SPIDR: variants seen among roughly 807,000 people sequenced by gnomAD.
The protein encoded by SPIDR is DNA repair-scaffolding protein.
SPIDR carries 93 observed loss-of-function variants against 104.6 expected under a neutral mutation model. That is an observed-to-expected ratio of 0.89 (90% confidence interval 0.75 to 1.06). SPIDR has a LOEUF of 1.06. Among genes scored for constraint, SPIDR ranks in the 50% least tolerant of loss-of-function variants. The probability of loss-of-function intolerance (pLI) is 0.00; values close to 1 mark genes in which losing one functional copy is unlikely to be tolerated. For missense variants in SPIDR, 1,154 were observed against 1,111.2 expected, an observed-to-expected ratio of 1.04 and a Z score of -0.55; for synonymous variants, 431 against 416.9, an observed-to-expected ratio of 1.03 and a Z score of -0.41.
chr8:47,314,573 C>G (rs2044901334), intron 5 of SPIDR, among the ~76,000 whole-genome samples: 1 of 152,042 alleles, frequency 6.6e-6, no homozygotes, highest in Admixed American at 6.6e-5. Context: ...GGGGGAAAGC[C>G]CCTTATAAAA....
intron 8 of SPIDR, among the ~76,000 whole-genome samples, chr8:47,574,569 A>G (rs957243586): frequency 1.3e-5 from 2 of 152,146 alleles, no homozygotes; most frequent in African/African-American, 4.8e-5. Context: ...CAGCCAGGCC[A>G]ACATGGCAAA....
At chr8:47,304,073 T>A (rs1223975507) in intron 5 of SPIDR, among the ~76,000 whole-genome samples, 1 of 152,194 alleles carries the variant, frequency 6.6e-6, no homozygotes, top group African/African-American at 2.4e-5. Flanking sequence ...TGTCTGGGTT[T>A]TTATAATTTA....
chr8:47,673,878 A>G lies in SPIDR; in HGVS notation c.1622A>G (p.Gln541Arg). 6.2e-7 allele frequency: 1 copy of G among 1,614,198 alleles called. No homozygotes were observed. The highest frequency in any genetic ancestry group is 1.3e-5 in the African/African-American group (1 of 75,066). Residue 541 changes from glutamine (Q) to arginine (R), a missense_variant, in exon 11 of 20, where the codon CAG becomes CGG. Gln to Arg is a conservative substitution (Grantham distance 43). Transcript: ENST00000297423. ...HLEFTMSKAR[Q>R]LEGKSCSLVG... Reference sequence around the variant, plus strand: ...GAGTTCACCATGTCGAAGGCAAGACAGTTGGAAGGGAAGTCTTGCAGCCTG... The same window carrying G: ...GAGTTCACCATGTCGAAGGCAAGACGGTTGGAAGGGAAGTCTTGCAGCCTG...
intron 1 of SPIDR, among the ~76,000 whole-genome samples, chr8:47,262,399 T>A (rs1237597494): frequency 6.6e-6 from 1 of 152,238 alleles, no homozygotes; most frequent in East Asian, 1.9e-4. Flanking sequence ...AAGCAGTTCA[T>A]AACAAATGTT....
chr8:47,592,051 A>C, intron 8 of SPIDR: 1 of 952,574 alleles, frequency 1.0e-6, no homozygotes, highest in Non-Finnish European at 1.6e-6. Context: ...TTATTCAGTA[A>C]TGTTTCTAAG....
chr8:47,583,179 G>A (rs928066211), intron 8 of SPIDR, among the ~76,000 whole-genome samples: 10 of 151,584 alleles, frequency 6.6e-5, no homozygotes, highest in African/African-American at 1.7e-4. Flanking sequence ...GGTGGCGGGC[G>A]CCTGTAGTCC....
chr8:47,683,871 A>T (rs985711729), intron 11 of SPIDR, among the ~76,000 whole-genome samples: 1 of 152,140 alleles, frequency 6.6e-6, no homozygotes, highest in Non-Finnish European at 1.5e-5. Context: ...TCACACCTGT[A>T]ATTCCAGCAC....
intron 11 of SPIDR, among the ~76,000 whole-genome samples, chr8:47,684,811 G>T (rs1169223769): frequency 6.6e-6 from 1 of 152,212 alleles, no homozygotes; most frequent in African/African-American, 2.4e-5. Context: ...TCCCAAGGAA[G>T]AATATAAATC....
At position 47,733,965 on chromosome 8, in the gene SPIDR, A is replaced by C. The variant is rs534251842; in HGVS notation, c.2605-1342A>C. Among the ~76,000 whole-genome samples, 64 of 152,308 alleles carry C rather than the reference A, an allele frequency of 4.2e-4. 1 individual carries two copies. Among genetic ancestry groups the C allele is most frequent in the African/African-American group, 1.4e-3 (58 of 41,574 alleles). ...TGAATAGGCACCACGCCTGTCTTAC[A>C]AATGGGAAAATCAAAGTCCCCCCAC... On this transcript the variant is annotated intron_variant, in intron 19 of 19. Coordinates refer to ENST00000297423, the MANE Select transcript of SPIDR (RefSeq NM_001080394.4).
chr8:47,566,755 C>A (rs761274542), intron 8 of SPIDR, among the ~76,000 whole-genome samples: 1 of 151,906 alleles, frequency 6.6e-6, no homozygotes, highest in Non-Finnish European at 1.5e-5. Flanking sequence ...CATTAGGCAC[C>A]GAGAAGTACA....
At chr8:47,567,289 G>A (rs1365845703) in intron 8 of SPIDR, among the ~76,000 whole-genome samples, 2 of 150,950 alleles carry the variant, frequency 1.3e-5, no homozygotes, top group East Asian at 1.9e-4. Context: ...GTGCGATCTC[G>A]GCTCACCGCA....
intron 10 of SPIDR, among the ~76,000 whole-genome samples, chr8:47,599,883 A>G (rs1318526729): frequency 6.6e-6 from 1 of 152,084 alleles, no homozygotes; most frequent in African/African-American, 2.4e-5. Context: ...TCTCGTGCCC[A>G]AGTAGCTGGG....
intron 10 of SPIDR, among the ~76,000 whole-genome samples, chr8:47,627,225 C>T (rs559048500): frequency 6.6e-6 from 1 of 152,126 alleles, no homozygotes; most frequent in East Asian, 1.9e-4. Context: ...AGATCACACT[C>T]TGGGGACTGT....
rs137996329 is a variant in SPIDR at position 47,496,053 on chromosome 8, A to G, written c.1097+55511A>G. On this transcript the variant is annotated intron_variant, in intron 8 of 19. Coordinates refer to ENST00000297423, the MANE Select transcript of SPIDR (RefSeq NM_001080394.4). ...ATTAATTTTTGTATATTGATCTTGT[A>G]TCATATAAACTTGTTAAACTCATTT... Among the ~76,000 whole-genome samples the G allele has an allele frequency of 1.1e-4, 17 of 152,320 alleles. No individual in the cohort carries two copies. The East Asian group carries it at 1.5e-3, about 14-fold the overall frequency.
intron 10 of SPIDR, among the ~76,000 whole-genome samples, chr8:47,639,843 G>A (rs2068573180): frequency 6.6e-6 from 1 of 152,036 alleles, no homozygotes; most frequent in Admixed American, 6.5e-5. Context: ...AGCTACACGG[G>A]AGGCCGAGGC....
chr8:47,298,737 C>G (rs2154244662), intron 5 of SPIDR, among the ~76,000 whole-genome samples: 1 of 152,278 alleles, frequency 6.6e-6, no homozygotes, highest in East Asian at 1.9e-4. Flanking sequence ...TTGTTTTTGT[C>G]AGGTTTGTCA....
intron 10 of SPIDR, among the ~76,000 whole-genome samples, chr8:47,641,464 A>G (rs116902382): frequency 1.9e-3 from 284 of 152,354 alleles, no homozygotes; most frequent in Admixed American, 3.7e-3. Flanking sequence ...GCAAGATTCA[A>G]TTCGATGCAT....
intron 10 of SPIDR, among the ~76,000 whole-genome samples, chr8:47,672,143 T>G (rs2075884235): frequency 6.6e-6 from 1 of 152,182 alleles, no homozygotes; most frequent in Non-Finnish European, 1.5e-5. Context: ...AAATTTTTCC[T>G]AGAGACAAGA....
At chr8:47,289,480 G>A (rs1229452444) in intron 3 of SPIDR, among the ~76,000 whole-genome samples, 1 of 151,950 alleles carries the variant, frequency 6.6e-6, no homozygotes, top group Non-Finnish European at 1.5e-5. Context: ...TTTTTATTAG[G>A]TATATATTCC....
Sources: gnomAD v4.1 joint callset for allele counts (sites outside exome capture counted in the v4.1 genomes callset) on GRCh38, gnomAD v4.1.1 for gene constraint, MANE v1.5 for transcripts, NCBI Gene and HGNC (gene_info 2026-07-23, HGNC 2026-07-21) for gene names.